Variants in CCDC144A observed in about 807,000 individuals in gnomAD.
The protein encoded by CCDC144A is coiled-coil domain containing 144A.
In CCDC144A, 41 loss-of-function variants were observed where a neutral mutation model predicts 143.8. That is an observed-to-expected ratio of 0.29 (90% confidence interval 0.22 to 0.37). The LOEUF is 0.37. Among genes scored for constraint, CCDC144A ranks in the 10% least tolerant of loss-of-function variants. CCDC144A has a pLI of 1.00. For missense variants in CCDC144A, 637 were observed against 1,488.8 expected, an observed-to-expected ratio of 0.43 and a Z score of 9.41; for synonymous variants, 242 against 517.9, an observed-to-expected ratio of 0.47 and a Z score of 7.23.
At chr17:16,711,139 A>AAAAAAAAC (rs1912390681) in intron 5 of CCDC144A, among the ~76,000 whole-genome samples, 1 of 130,084 alleles carries the variant, frequency 7.7e-6, no homozygotes, top group Non-Finnish European at 1.6e-5. Context: ...TTCAAATGAA[A>AAAAAAAAC]AAAAAAAAAA....
rs759229691 is a variant in CCDC144A at position 16,690,541 on chromosome 17, G to C, written c.141G>C (p.Ser47=). 3.0e-5 allele frequency: 48 copies of C among 1,613,612 alleles called. No homozygotes were observed. The highest frequency in any genetic ancestry group is 2.3e-4 in the Admixed American group (14 of 59,990). ...YLGYPGDQWS[S]GFPYSWWKNS... Reference sequence around the variant, plus strand: ...GCTACCCGGGGGACCAGTGGTCCTCGGGCTTCCCCTACAGCTGGTGGAAAA... The same window carrying C: ...GCTACCCGGGGGACCAGTGGTCCTCCGGCTTCCCCTACAGCTGGTGGAAAA... The change falls in exon 1 of 17, where the codon TCG becomes TCC. Residue 47 remains serine, a synonymous_variant. Coordinates refer to ENST00000399273, the MANE Select transcript of CCDC144A (RefSeq NM_001382000.1).
At chr17:16,753,428 G>GTTTTTTGTTGTTGTTGTTGTTTTTTTT (rs1914895477) in intron 12 of CCDC144A, among the ~76,000 whole-genome samples, 10 of 57,374 alleles carry the variant, frequency 1.7e-4, no homozygotes, top group Non-Finnish European at 2.2e-4. Flanking sequence ...GTGTTTTGTA[G>GTTTTTTGTTGTTGTTGTTGTTTTTTTT]TTTTTTTTTT....
chr17:16,729,642 G>T (rs1019545438), intron 9 of CCDC144A, among the ~76,000 whole-genome samples: 73 of 151,618 alleles, frequency 4.8e-4, no homozygotes, highest in Non-Finnish European at 8.2e-4. Flanking sequence ...GGCTACCTCT[G>T]CCTCCCGGGT....
chr17:16,690,712 C>A lies in CCDC144A; in HGVS notation c.312C>A (p.Asp104Glu). 1 of 1,612,330 alleles carries A rather than the reference C, an allele frequency of 6.2e-7. No homozygotes were observed. The highest frequency in any genetic ancestry group is 8.5e-7 in the Non-Finnish European group (1 of 1,178,650). Residue 104 changes from aspartate (D) to glutamate (E), a missense_variant, in exon 1 of 17, where the codon GAC (aspartate) becomes GAA (glutamate). Physicochemically the swap from Asp to Glu is conservative, Grantham distance 45. Coordinates refer to ENST00000399273, the MANE Select transcript of CCDC144A (RefSeq NM_001382000.1). Reference protein sequence around the residue: ...PGVEHILAPGDTGVDKRDRKK... With the variant: ...PGVEHILAPGETGVDKRDRKK... The stretch of plus-strand genomic sequence containing the variant: ...TGGAGCACATCTTAGCTCCTGGAGA[C>A]ACTGGCGTGGACAAGAGGGATAGGA...
At chr17:16,765,074 C>G (rs1284369534) in intron 15 of CCDC144A, 1 of 91,464 alleles carries the variant, frequency 1.1e-5, no homozygotes, top group Non-Finnish European at 2.1e-5. Context: ...TGGTTTCACT[C>G]AGAGTAAGAG....
chr17:16,737,235 C>T lies in CCDC144A; in HGVS notation c.3372+1592C>T, dbSNP rs1464684746. 2.1e-3 allele frequency among the ~76,000 whole-genome samples: 284 copies of T among 136,450 alleles called. 1 individual carries two copies. The highest frequency in any genetic ancestry group is 7.7e-3 in the African/African-American group (274 of 35,716). The allele number at this position is 136,450 out of a possible 152,430, so 89.5% of individuals were successfully genotyped here. ...AGGCTGGAGTGCAGTGGCGGGATCTCGGCTCACTGCAAGCTCCGCCTCCCG... is the reference window on the plus strand; with the variant it reads ...AGGCTGGAGTGCAGTGGCGGGATCTTGGCTCACTGCAAGCTCCGCCTCCCG... On this transcript the variant is annotated intron_variant, in intron 12 of 16. Coordinates refer to ENST00000399273, the MANE Select transcript of CCDC144A (RefSeq NM_001382000.1).
At chr17:16,682,883 GTTTTTTT>G in the CCDC144A span, among the ~76,000 whole-genome samples, 3,512 of 46,432 alleles carry the variant, frequency 0.076, 318 homozygotes, top group African/African-American at 0.19. Flanking sequence ...TGGATTCTCT[GTTTTTTT>G]TTTTTTTTTT....
chr17:16,719,058 C>G (rs1912938788), intron 6 of CCDC144A, among the ~76,000 whole-genome samples: 1 of 150,662 alleles, frequency 6.6e-6, no homozygotes, highest in Non-Finnish European at 1.5e-5. Flanking sequence ...TCTTGAACTC[C>G]TGACCTCGTG....
At chr17:16,691,762 C>CTA (rs1216664311) in intron 1 of CCDC144A, 1 of 144,364 alleles carries the variant, frequency 6.9e-6, no homozygotes. Context: ...GAGACTCAGT[C>CTA]TAAAACAAAC....
At chr17:16,724,787 ATTTTTTTTTTTT>A (rs760344292) in intron 8 of CCDC144A, among the ~76,000 whole-genome samples, 35 of 35,108 alleles carry the variant, frequency 1.0e-3, no homozygotes, top group Admixed American at 4.3e-3. Context: ...GATTAACTGA[ATTTTTTTTTTTT>A]TTTTTTTTTT....
chr17:16,746,788 C>T (rs111341561), intron 12 of CCDC144A: 8 of 1,307,646 alleles, frequency 6.1e-6, no homozygotes, highest in East Asian at 2.5e-5. Flanking sequence ...CCGTTCCCAC[C>T]GGGGCGGAGC....
chr17:16,709,487 G>T lies in CCDC144A; in HGVS notation c.1430G>T (p.Ser477Ile). 1 of 1,611,562 alleles carries T rather than the reference G, an allele frequency of 6.2e-7. No homozygotes were observed. Residue 477 changes from serine to isoleucine, a missense_variant, in exon 5 of 17, where the codon AGT (serine) becomes ATT (isoleucine). Coordinates refer to ENST00000399273, the MANE Select transcript of CCDC144A (RefSeq NM_001382000.1). ...KSLKPKLENL[S>I]SLPPDSDRTS... ...CTGAAACCTAAATTAGAAAATCTGA[G>T]TTCTTTACCACCAGATTCTGACAGA...
At chr17:16,670,148 T>C in the CCDC144A span, among the ~76,000 whole-genome samples, 2 of 151,668 alleles carry the variant, frequency 1.3e-5, no homozygotes, top group Non-Finnish European at 2.9e-5. Context: ...GCCACTGCAC[T>C]CCAGCCTGGA....
chr17:16,681,020 G>A, the CCDC144A span, among the ~76,000 whole-genome samples: 3 of 152,092 alleles, frequency 2.0e-5, no homozygotes, highest in African/African-American at 4.8e-5. Context: ...CCATTCAGTG[G>A]AACAAAGATA....
chr17:16,757,460 G>A (rs1364657551), intron 12 of CCDC144A, among the ~76,000 whole-genome samples: 1 of 152,248 alleles, frequency 6.6e-6, no homozygotes, highest in Admixed American at 6.5e-5. Flanking sequence ...CTTGGTATTA[G>A]TGGTAGATGG....
rs1281116664 is a variant in CCDC144A at position 16,732,539 on chromosome 17, T to C, written c.2291T>C (p.Val764Ala). Residue 764 changes from valine (V) to alanine (A), a missense_variant and splice_region_variant, in exon 11 of 17, where the codon GTT (valine) becomes GCT (alanine). Physicochemically the swap from Val to Ala is moderately conservative, Grantham distance 64. Transcript: ENST00000399273. ...CCAAAACCTCCATGTTATCTCTAGG[T>C]TGTGCAGGAGAGAAACGATGCCCAG... ...LRTVRNNLDL[V>A]VQERNDAQKQ... 21 of 1,607,830 alleles carry C rather than the reference T, an allele frequency of 1.3e-5. No individual in the cohort carries two copies. The highest frequency in any genetic ancestry group is 1.7e-5 in the Admixed American group (1 of 58,888).
In CCDC144A at chr17:16,709,360, G is replaced by C; in HGVS notation, c.1303G>C (p.Val435Leu). 6.2e-7 allele frequency: 1 copy of C among 1,611,654 alleles called. No homozygotes were observed. The highest frequency in any genetic ancestry group is 8.5e-7 in the Non-Finnish European group (1 of 1,179,648). Reference protein sequence around the residue: ...ASTKKARNPEVVMVEMKEDQE... With the variant: ...ASTKKARNPELVMVEMKEDQE... ...CACTAAGAAAGCAAGGAACCCAGAA[G>C]TGGTTATGGTTGAAATGAAAGAAGA... The change falls in exon 5 of 17, where the codon GTG becomes CTG. Residue 435 changes from valine (V) to leucine (L), a missense_variant. Val to Leu is a conservative substitution (Grantham distance 32). Coordinates refer to ENST00000399273, the MANE Select transcript of CCDC144A (RefSeq NM_001382000.1).
In CCDC144A at chr17:16,777,277, C is replaced by G. The variant is rs1370148736; in HGVS notation, c.*3644C>G. On this transcript the variant is annotated 3_prime_UTR_variant, in exon 17 of 17. Coordinates refer to ENST00000399273, the MANE Select transcript of CCDC144A (RefSeq NM_001382000.1). The stretch of plus-strand genomic sequence containing the variant: ...ACAATAATAGTGGGGGATGTTAATA[C>G]TCCGCTGGCAGCACTAGGCAGATCA... The G allele has an allele frequency of 6.7e-6, 1 of 149,726 alleles. No homozygotes were observed. Among genetic ancestry groups the G allele is most frequent in the Non-Finnish European group, 1.5e-5 (1 of 67,702 alleles). The allele number at this position is 149,726 out of a possible 1,614,324, so 9.3% of individuals were successfully genotyped here. A position where few individuals can be genotyped will look rare whatever the true frequency, so the allele number is the denominator to read the frequency against.
chr17:16,754,300 A>C (rs944597824), intron 12 of CCDC144A, among the ~76,000 whole-genome samples: 2 of 151,578 alleles, frequency 1.3e-5, no homozygotes, highest in African/African-American at 4.9e-5. Flanking sequence ...ACTACATTTG[A>C]GTTTTGGGTC....
Sources: allele counts gnomAD v4.1 joint callset (sites outside exome capture counted in the v4.1 genomes callset), GRCh38; gene constraint gnomAD v4.1.1; transcripts MANE v1.5; gene names NCBI Gene and HGNC (gene_info 2026-07-23, HGNC 2026-07-21).